The following ABCC2 variants were observed in gnomAD, a reference collection of about 807,000 sequenced individuals.
The protein encoded by ABCC2 is ATP binding cassette subfamily C member 2.
Under a neutral mutation model 173.4 loss-of-function variants are expected in ABCC2, and 157 were observed. That is an observed-to-expected ratio of 0.91 (90% CI 0.80 to 1.03). ABCC2 has a LOEUF of 1.03. ABCC2 is among the 50% of genes least tolerant of loss of function. The pLI, the probability that ABCC2 is intolerant of heterozygous loss-of-function variation, is 0.00. For synonymous variants in ABCC2, 657 were observed against 693.5 expected, an observed-to-expected ratio of 0.95 and a Z score of 0.83; for missense variants, 1,822 against 1,852.3, an observed-to-expected ratio of 0.98 and a Z score of 0.30.
chr10:99,795,720 GAAGAAAGAAAGAAAGAAGGA>G (rs1190933242), intron 6 of ABCC2, among the ~76,000 whole-genome samples: 26 of 122,754 alleles, frequency 2.1e-4, no homozygotes, highest in Admixed American at 7.1e-4. Context: ...GAGAGAGAGA[GAAGAAAGAAAGAAAGAAGGA>G]AAGAAAGAAA....
chr10:99,809,885 T>C (rs916073717), intron 13 of ABCC2, among the ~76,000 whole-genome samples: 2 of 152,198 alleles, frequency 1.3e-5, no homozygotes, highest in Non-Finnish European at 2.9e-5. Context: ...AGGTAGTTTC[T>C]GGAATTAGGG....
At chr10:99,835,933 T>C (rs1237560962) in intron 24 of ABCC2, among the ~76,000 whole-genome samples, 158 bp from the exon 25 acceptor site, 1 of 152,172 alleles carries the variant, frequency 6.6e-6, no homozygotes, top group African/African-American at 2.4e-5. Context: ...GAGCCTCTCA[T>C]CATTCTGCTC....
rs775292117 is a variant in ABCC2 at position 99,836,215 on chromosome 10, A to G, written c.3539A>G (p.Gln1180Arg). Residue 1180 changes from glutamine to arginine, a missense_variant, in exon 25 of 32, where the codon CAG becomes CGG. Gln to Arg is a conservative substitution (Grantham distance 43). Transcript: ENST00000647814. ...GTTATCCGTGCCTTTGAGCACCAGCAGCGATTTCTGAAACACAATGAGGTG... is the reference window on the plus strand; with the variant it reads ...GTTATCCGTGCCTTTGAGCACCAGCGGCGATTTCTGAAACACAATGAGGTG... ...LPVIRAFEHQ[Q>R]RFLKHNEVRI... 3 of 1,614,226 alleles carry G rather than the reference A, an allele frequency of 1.9e-6. No homozygotes were observed. The South Asian group carries it at 3.3e-5, about 18-fold the overall frequency.
rs776087856 is a variant in ABCC2, at chr10:99,804,134, G to A, written c.1325G>A (p.Trp442Ter). The A allele has an allele frequency of 1.9e-6, 3 of 1,614,136 alleles. No individual in the cohort carries two copies. The highest frequency in any genetic ancestry group is 1.1e-5 in the South Asian group (1 of 91,078). ...MDVTNFMHML[W>*]SSVLQIVLSI... The stretch of plus-strand genomic sequence containing the variant: ...GTGACCAACTTCATGCACATGCTGT[G>A]GTCAAGTGTTCTACAGATTGTCTTA... Residue 442 changes from tryptophan to a stop codon, truncating the protein, a stop_gained, in exon 10 of 32, where the codon TGG becomes TAG. Transcript: ENST00000647814. LOFTEE classifies it high-confidence loss of function.
intron 28 of ABCC2, 75 bp from the exon 29 acceptor site, chr10:99,845,549 G>A: frequency 6.3e-7 from 1 of 1,576,672 alleles, no homozygotes; most frequent in Non-Finnish European, 8.7e-7. Flanking sequence ...TCCTGTGACT[G>A]TGAATGCCCA....
rs1374736029 is a variant in ABCC2, at chr10:99,814,284, T to TAC, written c.2094+1147_2094+1148dup. ...ACACGTATGTATACACACGTATGTA[T>TAC]ACACACACGTATGTATACACACATG... is the stretch of plus-strand genomic sequence containing the variant. On this transcript the variant is annotated intron_variant, in intron 16 of 31. Transcript: ENST00000647814. 7.7e-5 allele frequency among the ~76,000 whole-genome samples: 6 copies of TAC among 77,764 alleles called. 1 individual carries two copies. Among genetic ancestry groups the TAC allele is most frequent in the Non-Finnish European group, 1.6e-4 (6 of 37,994 alleles). 51.0% of individuals were successfully genotyped at this position (77,764 alleles called of 152,430 possible).
Position 99,804,074 on chromosome 10 carries a change from A to T in ABCC2, c.1265A>T (p.Asn422Ile). The T allele has an allele frequency of 6.2e-7, 1 of 1,614,128 alleles. No individual in the cohort carries two copies. The highest frequency in any genetic ancestry group is 1.3e-5 in the African/African-American group (1 of 75,044). ...GAGTACACCGTTGGAGAAACAGTGA[A>T]CCTGATGTCTGTGGATGCCCAGAAG... ...RKEYTVGETV[N>I]LMSVDAQKLM... Residue 422 changes from asparagine to isoleucine, a missense_variant, in exon 10 of 32, where the codon AAC (asparagine) becomes ATC (isoleucine). Transcript: ENST00000647814.
Position 99,801,716 on chromosome 10 carries a change from T to C in ABCC2, c.1209+1153T>C, listed in dbSNP as rs2038018745. Among the ~76,000 whole-genome samples, 4 of 152,354 alleles carry C rather than the reference T, an allele frequency of 2.6e-5. No homozygotes were observed. The East Asian group carries it at 7.7e-4, about 29-fold the overall frequency. ...AGATAGGTTCCAATCTTTTTATAAG[T>C]TGGAACACTAGTTGACTTTCTTCCT... On this transcript the variant is annotated intron_variant, in intron 9 of 31. Coordinates refer to ENST00000647814, the MANE Select transcript of ABCC2 (RefSeq NM_000392.5).
chr10:99,818,510 A>G (rs912622817), intron 17 of ABCC2, among the ~76,000 whole-genome samples: 11 of 152,264 alleles, frequency 7.2e-5, no homozygotes, highest in African/African-American at 2.7e-4. Flanking sequence ...CCATGAACAA[A>G]ATAGAAAAAA....
At chr10:99,830,963 T>C in intron 21 of ABCC2, 112 bp downstream of exon 21, 1 of 1,221,184 alleles carries the variant, frequency 8.2e-7, no homozygotes, top group Non-Finnish European at 1.2e-6. Context: ...ATGTCCTCTG[T>C]CCTTTGCAAA....
chr10:99,850,576 C>A, intron 30 of ABCC2, 26 bp from the exon 31 acceptor site: 1 of 1,613,022 alleles, frequency 6.2e-7, no homozygotes, highest in Non-Finnish European at 8.5e-7. Flanking sequence ...TAGGAGCTAA[C>A]ACATGGTTGC....
intron 19 of ABCC2, among the ~76,000 whole-genome samples, chr10:99,825,862 G>C (rs1307750993): frequency 6.6e-6 from 1 of 152,148 alleles, no homozygotes; most frequent in Non-Finnish European, 1.5e-5. Flanking sequence ...GTTGTATCGT[G>C]GTAACTGGCT....
At chr10:99,851,416 C>T in intron 31 of ABCC2, 86 bp from the exon 32 acceptor site, 1 of 1,532,378 alleles carries the variant, frequency 6.5e-7, no homozygotes, top group Non-Finnish European at 9.0e-7. Context: ...CTGACTATAC[C>T]ACAACTTAGT....
intron 26 of ABCC2, among the ~76,000 whole-genome samples, 166 bp downstream of exon 26, chr10:99,842,259 T>G (rs2038959891): frequency 6.6e-6 from 1 of 152,220 alleles, no homozygotes; most frequent in Admixed American, 6.5e-5. Context: ...GACGTATTCC[T>G]TACTCTTCCT....
At chr10:99,788,007 C>T (rs2037747631) in intron 2 of ABCC2, among the ~76,000 whole-genome samples, 1 of 151,816 alleles carries the variant, frequency 6.6e-6, no homozygotes, top group Non-Finnish European at 1.5e-5. Context: ...GTCAAGGCTG[C>T]AGTGAGCCAT....
At position 99,813,003 on chromosome 10, in the gene ABCC2, A is replaced by G. The variant is rs753157777; in HGVS notation, c.1968-15A>G. 6.2e-7 allele frequency: 1 copy of G among 1,613,560 alleles called. No individual in the cohort carries two copies. Among genetic ancestry groups the G allele is most frequent in the Non-Finnish European group, 8.5e-7 (1 of 1,179,716 alleles). ...AACCCCTGCTATCTCCTTCAAAGAC[A>G]TTCCTGTCTTTCAGTGTGAACCTGG... is the stretch of plus-strand genomic sequence containing the variant. On this transcript the variant is annotated splice_polypyrimidine_tract_variant and intron_variant, in intron 15 of 31. Transcript: ENST00000647814.
chr10:99,794,945 TGG>T (rs1217245393), intron 6 of ABCC2, among the ~76,000 whole-genome samples: 1 of 152,158 alleles, frequency 6.6e-6, no homozygotes, highest in African/African-American at 2.4e-5. Flanking sequence ...AGCCCTCCAT[TGG>T]GCAGATTGGG....
At chr10:99,786,479 A>G (rs1441690718) in intron 2 of ABCC2, among the ~76,000 whole-genome samples, 1 of 152,226 alleles carries the variant, frequency 6.6e-6, no homozygotes, top group Non-Finnish European at 1.5e-5. Context: ...GTTAATGAGC[A>G]AACCAATATC....
Position 99,797,292 on chromosome 10 carries a change from G to C in ABCC2, c.828G>C (p.Leu276Phe), listed in dbSNP as rs1406555731. The change falls in exon 7 of 32, where the codon TTG becomes TTC. Residue 276 changes from leucine to phenylalanine, a missense_variant. Coordinates refer to ENST00000647814, the MANE Select transcript of ABCC2 (RefSeq NM_000392.5). ...QQNSGARLPG[L>F]NKNQSQSQDA... The stretch of plus-strand genomic sequence containing the variant: ...ACTCTGGAGCCAGGCTGCCTGGCTT[G>C]AACAAGAATCAGAGTCAAAGCCAAG... 1 of 1,613,734 alleles carries C rather than the reference G, an allele frequency of 6.2e-7. No homozygotes were observed. The highest frequency in any genetic ancestry group is 8.5e-7 in the Non-Finnish European group (1 of 1,179,882).
Sources: allele counts gnomAD v4.1 joint callset (sites outside exome capture counted in the v4.1 genomes callset), GRCh38; gene constraint gnomAD v4.1.1; transcripts MANE v1.5; gene names NCBI Gene and HGNC (gene_info 2026-07-23, HGNC 2026-07-21).